The following DMD variants were observed in gnomAD, a reference collection of about 807,000 sequenced individuals.
DMD encodes the protein dystrophin.
DMD carries 63 observed loss-of-function variants against 330.1 expected under a neutral mutation model. The observed-to-expected ratio is 0.19, with a 90% CI of 0.16 to 0.24. The LOEUF (loss-of-function observed/expected upper bound fraction) is 0.24. Ranked by LOEUF, DMD falls within the 10% of genes least tolerant of loss-of-function variation. DMD has a pLI of 1.00. For missense variants in DMD, 3,344 were observed against 2,684.1 expected (o/e 1.25, Z -5.43); for synonymous variants, 1,223 against 959.8 (o/e 1.27, Z -5.07).
At chrX:32,637,052 C>A (rs1033968363) in intron 11 of DMD, among the ~76,000 whole-genome samples, 2 of 110,641 alleles carry the variant, frequency 1.8e-5, no homozygotes, top group Non-Finnish European at 3.8e-5. Flanking sequence ...ATTATGGCAA[C>A]CCTCAAATCA....
intron 9 of DMD, among the ~76,000 whole-genome samples, chrX:32,669,663 G>C (rs1477845504): frequency 9.0e-6 from 1 of 111,586 alleles, no homozygotes; most frequent in Admixed American, 9.6e-5. Context: ...AATACAGTTA[G>C]CTTATTCTGG....
intron 2 of DMD, among the ~76,000 whole-genome samples, chrX:32,980,728 T>C (rs1397066770): frequency 8.9e-6 from 1 of 111,982 alleles, no homozygotes; most frequent in East Asian, 2.8e-4. Context: ...TACTTATAGA[T>C]GGAGTTTGAG....
intron 49 of DMD, among the ~76,000 whole-genome samples, chrX:31,821,150 G>A (rs1387111146): frequency 2.7e-5 from 3 of 112,466 alleles, no homozygotes; most frequent in Admixed American, 9.4e-5. Context: ...TAGGTCCTAC[G>A]GCAAATCTTT....
intron 44 of DMD, among the ~76,000 whole-genome samples, chrX:32,027,164 G>GCACACACACACACACATACA (rs368471597): frequency 0.017 from 1,494 of 89,435 alleles, 11 homozygotes; most frequent in Non-Finnish European, 0.02. Context: ...ACACGCACGT[G>GCACACACACACACACATACA]CACACACACA....
chrX:32,121,495 C>A (rs1284419495), intron 44 of DMD, among the ~76,000 whole-genome samples: 2 of 106,041 alleles, frequency 1.9e-5, no homozygotes, highest in African/African-American at 6.9e-5. Context: ...TTCCTGCTGC[C>A]TGTGGACTGC....
intron 2 of DMD, among the ~76,000 whole-genome samples, chrX:32,997,832 C>T (rs2093165413): frequency 1.8e-5 from 2 of 111,617 alleles, no homozygotes; most frequent in Non-Finnish European, 3.8e-5. Context: ...CTTAACTAGC[C>T]TTTATCTACC....
intron 1 of DMD, among the ~76,000 whole-genome samples, chrX:33,118,452 GAATAGT>G (rs1403222499): frequency 6.3e-5 from 7 of 111,715 alleles, no homozygotes; most frequent in Non-Finnish European, 1.3e-4. Context: ...GACACAGTCT[GAATAGT>G]AATTGGTTAT....
intron 11 of DMD, among the ~76,000 whole-genome samples, chrX:32,623,674 C>T (rs1483163128): frequency 2.7e-5 from 3 of 109,630 alleles, no homozygotes; most frequent in Non-Finnish European, 5.7e-5. Context: ...ACTACAGGTG[C>T]ACCACCTTCC....
At chrX:32,741,793 AG>A (rs1324070304) in intron 7 of DMD, among the ~76,000 whole-genome samples, 1 of 112,028 alleles carries the variant, frequency 8.9e-6, no homozygotes, top group Non-Finnish European at 1.9e-5. Flanking sequence ...TACTTTAAAC[AG>A]ATGATTGTAT....
chrX:32,697,746 A>T, intron 9 of DMD, 124 bp downstream of exon 9: 1 of 1,010,500 alleles, frequency 9.9e-7, no homozygotes. Flanking sequence ...AAAACTTGGA[A>T]AAACAAACCA....
intron 55 of DMD, among the ~76,000 whole-genome samples, chrX:31,612,700 A>T (rs1361576934): frequency 8.9e-6 from 1 of 111,986 alleles, no homozygotes; most frequent in Non-Finnish European, 1.9e-5. Flanking sequence ...ACCCGATATT[A>T]TTAAAATACC....
chrX:32,741,938 T>C (rs918775208), intron 7 of DMD, among the ~76,000 whole-genome samples: 2 of 112,049 alleles, frequency 1.8e-5, no homozygotes, highest in African/African-American at 6.5e-5. Context: ...GCAACAGTAA[T>C]TGCATTTTCT....
chrX:33,165,439 G>A (rs1482310713), intron 1 of DMD, among the ~76,000 whole-genome samples: 1 of 111,391 alleles, frequency 9.0e-6, no homozygotes, highest in African/African-American at 3.3e-5. Context: ...TGAGTATCAC[G>A]CTATCCTTCT....
chrX:31,970,437 C>T (rs1444528826), intron 44 of DMD, among the ~76,000 whole-genome samples: 1 of 108,720 alleles, frequency 9.2e-6, no homozygotes, highest in Admixed American at 9.8e-5. Context: ...GACACAGTTG[C>T]AAGTGATAAT....
At chrX:31,875,437 A>T (rs961414966) in intron 47 of DMD, 64 bp from the exon 48 acceptor site, 65 of 909,637 alleles carry the variant, frequency 7.1e-5, no homozygotes, top group Non-Finnish European at 8.9e-5. Context: ...AATGTTTAAA[A>T]ATATATTTTC....
chrX:31,146,476 C>A, intron 75 of DMD, 62 bp from the exon 76 acceptor site: 1 of 1,107,958 alleles, frequency 9.0e-7, no homozygotes, highest in Non-Finnish European at 1.2e-6. Flanking sequence ...GTATAAATTT[C>A]AAAATATGAT....
At chrX:31,443,916 G>A (rs532748494) in intron 60 of DMD, among the ~76,000 whole-genome samples, 6 of 111,578 alleles carry the variant, frequency 5.4e-5, no homozygotes, top group East Asian at 2.8e-4. Context: ...TCTAACTCGC[G>A]TGTTGAAATC....
At chrX:31,987,479 C>T (rs1167851213) in intron 44 of DMD, among the ~76,000 whole-genome samples, 3 of 111,636 alleles carry the variant, frequency 2.7e-5, no homozygotes, top group African/African-American at 9.8e-5. Context: ...CTTTGGTGAC[C>T]ACCGTCCATT....
Position 32,453,912 on chromosome X carries a change from G to A in DMD, c.3603+750C>T, listed in dbSNP as rs533632534. ...CATAAAAATAATAATTATGATTATA[G>A]CTACTAATTGAGCACCAACTCTGAG... is the stretch of plus-strand genomic sequence containing the variant. On this transcript the variant is annotated intron_variant, in intron 26 of 78. Coordinates refer to ENST00000357033, the MANE Select transcript of DMD (RefSeq NM_004006.3). 8.1e-5 allele frequency among the ~76,000 whole-genome samples: 9 copies of A among 111,205 alleles called. No individual in the cohort carries two copies. The South Asian group carries it at 3.3e-3, about 41-fold the overall frequency.
Sources: allele counts gnomAD v4.1 joint callset (sites outside exome capture counted in the v4.1 genomes callset), GRCh38; gene constraint gnomAD v4.1.1; transcripts MANE v1.5; gene names NCBI Gene and HGNC (gene_info 2026-07-23, HGNC 2026-07-21).